DLG2: variants seen among roughly 807,000 people sequenced by gnomAD.
DLG2 encodes discs large MAGUK scaffold protein 2.
In DLG2, 45 loss-of-function variants were observed where a neutral mutation model predicts 132.5. The observed-to-expected ratio is 0.34, with a 90% CI of 0.27 to 0.44. The LOEUF (loss-of-function observed/expected upper bound fraction) is 0.44, where lower values mean the gene tolerates loss of function less well. Ranked by LOEUF, DLG2 falls within the 20% of genes least tolerant of loss-of-function variation. The pLI, the probability that DLG2 is intolerant of heterozygous loss-of-function variation, is 1.00. For synonymous variants in DLG2, 424 were observed against 419.6 expected, an observed-to-expected ratio of 1.01 and a Z score of -0.13; for missense variants, 1,045 against 1,196.9, an observed-to-expected ratio of 0.87 and a Z score of 1.87.
At chr11:85,158,818 T>A (rs1198084372) in intron 4 of DLG2, among the ~76,000 whole-genome samples, 3 of 152,110 alleles carry the variant, frequency 2.0e-5, no homozygotes, top group Admixed American at 6.6e-5. Flanking sequence ...TTTCTAGAAG[T>A]GAAATTGATA....
At chr11:84,568,185 T>C (rs1328428946) in intron 6 of DLG2, among the ~76,000 whole-genome samples, 1 of 152,198 alleles carries the variant, frequency 6.6e-6, no homozygotes, top group African/African-American at 2.4e-5. Flanking sequence ...GTGGTACTTC[T>C]GTGTTCCTGT....
Position 84,085,542 on chromosome 11 carries a change from G to C in DLG2, c.749+13381C>G, listed in dbSNP as rs143950953. 3.6e-4 allele frequency among the ~76,000 whole-genome samples: 55 copies of C among 152,260 alleles called. No homozygotes were observed. In the East Asian group the frequency reaches 0.01, roughly 28 times the overall value. On this transcript the variant is annotated intron_variant, in intron 10 of 27. Transcript: ENST00000376104. ...TGAACTTCTCAGGCTGTCAACAAATGTCAGATAATTAGAATATGATTTTAA... is the reference window on the plus strand; with the variant it reads ...TGAACTTCTCAGGCTGTCAACAAATCTCAGATAATTAGAATATGATTTTAA...
chr11:84,969,031 G>A (rs1392279685), intron 6 of DLG2, among the ~76,000 whole-genome samples: 1 of 149,160 alleles, frequency 6.7e-6, no homozygotes, highest in African/African-American at 2.5e-5. Context: ...TCTACTTAAA[G>A]CCTAGAAATC....
intron 4 of DLG2, among the ~76,000 whole-genome samples, chr11:85,215,325 T>C (rs2082512037): frequency 6.6e-6 from 1 of 152,184 alleles, no homozygotes; most frequent in Non-Finnish European, 1.5e-5. Context: ...ATTTAAAACA[T>C]AAACGTTTGC....
chr11:85,450,167 T>C (rs1179059602), intron 3 of DLG2, among the ~76,000 whole-genome samples: 1 of 152,212 alleles, frequency 6.6e-6, no homozygotes, highest in Non-Finnish European at 1.5e-5. Flanking sequence ...GAAAGCGATA[T>C]CAGGGCAGCC....
intron 6 of DLG2, among the ~76,000 whole-genome samples, chr11:84,954,581 T>G (rs2051393342): frequency 6.6e-6 from 1 of 152,212 alleles, no homozygotes; most frequent in South Asian, 2.1e-4. Flanking sequence ...AAGCAGGAAT[T>G]CATATTGAAT....
At chr11:83,781,340 C>T (rs537535139) in intron 18 of DLG2, among the ~76,000 whole-genome samples, 1 of 151,954 alleles carries the variant, frequency 6.6e-6, no homozygotes, top group Admixed American at 6.6e-5. Flanking sequence ...TTGTTATTTC[C>T]TTATAACATG....
At chr11:84,227,851 T>G (rs1362906714) in intron 8 of DLG2, among the ~76,000 whole-genome samples, 1 of 150,520 alleles carries the variant, frequency 6.6e-6, no homozygotes, top group African/African-American at 2.5e-5. Flanking sequence ...GAGGCGGAGG[T>G]TGCAATGAAC....
chr11:83,682,486 G>A (rs1303487571), intron 18 of DLG2: 1 of 970,898 alleles, frequency 1.0e-6, no homozygotes. Context: ...TAACCAATAA[G>A]ATGCTTTCCC....
intron 6 of DLG2, among the ~76,000 whole-genome samples, chr11:84,889,158 G>A (rs982634996): frequency 4.6e-5 from 7 of 152,152 alleles, no homozygotes; most frequent in African/African-American, 1.7e-4. Context: ...GTCTACCATG[G>A]CTTATCACTG....
intron 7 of DLG2, among the ~76,000 whole-genome samples, chr11:84,516,559 G>C (rs1303090437): frequency 6.6e-6 from 1 of 151,476 alleles, no homozygotes; most frequent in Non-Finnish European, 1.5e-5. Flanking sequence ...CAAGGAGATT[G>C]AATCAGTATA....
intron 18 of DLG2, among the ~76,000 whole-genome samples, chr11:83,783,660 G>C (rs1034397158): frequency 1.3e-5 from 2 of 152,068 alleles, no homozygotes; most frequent in African/African-American, 4.8e-5. Context: ...CCTATATTTT[G>C]TTAAATATAG....
intron 9 of DLG2, among the ~76,000 whole-genome samples, chr11:84,101,083 T>G (rs1218671151): frequency 2.0e-5 from 3 of 152,144 alleles, no homozygotes; most frequent in African/African-American, 4.8e-5. Context: ...TAATATTTAT[T>G]AAACACCACC....
chr11:85,457,563 T>G (rs1002241853), intron 3 of DLG2, among the ~76,000 whole-genome samples: 3 of 152,220 alleles, frequency 2.0e-5, no homozygotes, highest in African/African-American at 7.2e-5. Flanking sequence ...CATGTTTTTG[T>G]AGTGGCTGGT....
intron 18 of DLG2, among the ~76,000 whole-genome samples, chr11:83,635,570 C>T (rs532937511): frequency 3.9e-5 from 6 of 152,032 alleles, no homozygotes; most frequent in African/African-American, 7.2e-5. Flanking sequence ...GGTTGTGTGC[C>T]GGATATGTAT....
At chr11:83,633,743 A>ACACAC (rs2064015104) in intron 18 of DLG2, among the ~76,000 whole-genome samples, 1 of 143,202 alleles carries the variant, frequency 7.0e-6, no homozygotes. Flanking sequence ...CACAGAACTA[A>ACACAC]ACACACACAC....
chr11:84,551,016 G>A (rs1270104306), intron 6 of DLG2, among the ~76,000 whole-genome samples: 1 of 152,108 alleles, frequency 6.6e-6, no homozygotes, highest in African/African-American at 2.4e-5. Flanking sequence ...TGGTGGTGGT[G>A]CAAATGGGCT....
At chr11:85,571,843 C>T (rs2077860948) in intron 3 of DLG2, among the ~76,000 whole-genome samples, 1 of 152,082 alleles carries the variant, frequency 6.6e-6, no homozygotes. Context: ...TATTTTAGTA[C>T]TGTGTAAGTT....
At chr11:85,110,404 T>C (rs928774805) in intron 6 of DLG2, among the ~76,000 whole-genome samples, 1 of 151,646 alleles carries the variant, frequency 6.6e-6, no homozygotes, top group Non-Finnish European at 1.5e-5. Flanking sequence ...GGCAACAGAG[T>C]AAAACTCTGT....
Sources: gnomAD v4.1 joint callset for allele counts (sites outside exome capture counted in the v4.1 genomes callset) on GRCh38, gnomAD v4.1.1 for gene constraint, MANE v1.5 for transcripts, NCBI Gene and HGNC (gene_info 2026-07-23, HGNC 2026-07-21) for gene names.